The following KDM4C variants were observed in gnomAD, a reference collection of about 807,000 sequenced individuals.
The protein encoded by KDM4C is lysine-specific demethylase 4C.
A neutral mutation model predicts 129.3 loss-of-function variants in KDM4C; 81 were observed. That is an observed-to-expected ratio of 0.63 (90% CI 0.52 to 0.75). The LOEUF (loss-of-function observed/expected upper bound fraction) is 0.75, where lower values mean the gene tolerates loss of function less well. Among genes scored for constraint, KDM4C ranks in the 30% least tolerant of loss-of-function variants. The pLI is 0.00. For missense variants in KDM4C, 1,457 were observed against 1,304.0 expected (o/e 1.12, Z -1.81); for synonymous variants, 573 against 456.1 (o/e 1.26, Z -3.26).
intron 15 of KDM4C, among the ~76,000 whole-genome samples, chr9:7,045,902 C>T (rs957140607): frequency 1.6e-4 from 25 of 151,952 alleles, no homozygotes; most frequent in African/African-American, 6.0e-4. Flanking sequence ...TAGATGGATT[C>T]CTTGTAAAGC....
chr9:7,024,954 T>A (rs896200721), intron 15 of KDM4C, among the ~76,000 whole-genome samples: 1 of 152,202 alleles, frequency 6.6e-6, no homozygotes, highest in Non-Finnish European at 1.5e-5. Context: ...CCACCAACAG[T>A]GTAAAAGTGT....
At chr9:6,897,354 TCTC>T (rs1385620674) in intron 8 of KDM4C, among the ~76,000 whole-genome samples, 1 of 152,196 alleles carries the variant, frequency 6.6e-6, no homozygotes, top group African/African-American at 2.4e-5. Context: ...GCCTTACCAT[TCTC>T]CTCTCATTTC....
chr9:7,052,745 A>T (rs896549200), intron 17 of KDM4C, among the ~76,000 whole-genome samples: 6 of 152,302 alleles, frequency 3.9e-5, no homozygotes, highest in Admixed American at 3.9e-4. Context: ...CTGAAGCAGC[A>T]GCAAGGGCTG....
chr9:6,945,258 CA>C (rs1488235450), intron 8 of KDM4C, among the ~76,000 whole-genome samples: 2 of 152,266 alleles, frequency 1.3e-5, no homozygotes, highest in Non-Finnish European at 2.9e-5. Flanking sequence ...AATAATATAA[CA>C]TGAATATAAT....
At chr9:7,117,371 A>G (rs1231659333) in intron 18 of KDM4C, among the ~76,000 whole-genome samples, 2 of 152,156 alleles carry the variant, frequency 1.3e-5, no homozygotes, top group East Asian at 3.8e-4. Context: ...ACTGTAATTG[A>G]GAGTCAGAAA....
intron 1 of KDM4C, among the ~76,000 whole-genome samples, chr9:6,768,375 A>T (rs1290967959): frequency 1.3e-5 from 2 of 149,880 alleles, no homozygotes; most frequent in Non-Finnish European, 3.0e-5. Context: ...CTTCCCTTTT[A>T]GGGAATTTTA....
At chr9:7,055,559 A>C (rs1830758134) in intron 17 of KDM4C, among the ~76,000 whole-genome samples, 1 of 152,230 alleles carries the variant, frequency 6.6e-6, no homozygotes, top group South Asian at 2.1e-4. Context: ...TTGTACCTGA[A>C]GGCAAATAAT....
intron 19 of KDM4C, among the ~76,000 whole-genome samples, chr9:7,148,392 T>G (rs1327218476): frequency 6.6e-6 from 1 of 152,192 alleles, no homozygotes; most frequent in Non-Finnish European, 1.5e-5. Flanking sequence ...CCACTTCAGC[T>G]TGCAGCTCAT....
chr9:6,726,330 A>G (rs777388862), intron 1 of KDM4C, among the ~76,000 whole-genome samples: 1 of 152,184 alleles, frequency 6.6e-6, no homozygotes, highest in Non-Finnish European at 1.5e-5. Flanking sequence ...GGTTTTCTCG[A>G]CTGACTCAAT....
In KDM4C at chr9:6,997,904, T is replaced by C. The variant is rs116199590; in HGVS notation, c.1786+7380T>C. 8.6e-3 allele frequency among the ~76,000 whole-genome samples: 1,306 copies of C among 152,358 alleles called. 24 individuals carry two copies. The highest frequency in any genetic ancestry group is 0.03 in the African/African-American group (1,251 of 41,576). The stretch of plus-strand genomic sequence containing the variant: ...ACTCTTCAACTATAATTTTATGTTT[T>C]CTAGAATAATCAACACAGAAAGTTG... On this transcript the variant is annotated intron_variant, in intron 12 of 21. Coordinates refer to ENST00000381309, the MANE Select transcript of KDM4C (RefSeq NM_015061.6).
At position 7,103,860 on chromosome 9, in the gene KDM4C, A is replaced by G. The variant is rs535667780; in HGVS notation, c.2600A>G (p.Asn867Ser). 5.0e-6 allele frequency: 8 copies of G among 1,613,258 alleles called. No individual in the cohort carries two copies. The highest frequency in any genetic ancestry group is 6.8e-6 in the Non-Finnish European group (8 of 1,179,704). Residue 867 changes from asparagine to serine, a missense_variant, in exon 18 of 22, where the codon AAC (asparagine) becomes AGC (serine). Physicochemically the swap from Asn to Ser is conservative, Grantham distance 46. Coordinates refer to ENST00000381309, the MANE Select transcript of KDM4C (RefSeq NM_015061.6). ...VNITCFRHKV[N>S]PNVKSKACEK... ...ATTACATGCTTTCGACATAAGGTCAACCCCAACGTGGTAAGATGTGCCCTC... is the reference window on the plus strand; with the variant it reads ...ATTACATGCTTTCGACATAAGGTCAGCCCCAACGTGGTAAGATGTGCCCTC...
At chr9:6,942,204 A>G (rs1826072878) in intron 8 of KDM4C, among the ~76,000 whole-genome samples, 1 of 151,670 alleles carries the variant, frequency 6.6e-6, no homozygotes. Context: ...TTACCCATGT[A>G]TTTGGCTCCC....
chr9:6,837,782 A>G (rs1188369847), intron 4 of KDM4C, among the ~76,000 whole-genome samples: 8 of 152,026 alleles, frequency 5.3e-5, no homozygotes, highest in East Asian at 3.9e-4. Context: ...TCTTTTCACT[A>G]TTTTGTTTGT....
At chr9:7,160,419 T>C (rs1041271892) in intron 19 of KDM4C, among the ~76,000 whole-genome samples, 3 of 152,242 alleles carry the variant, frequency 2.0e-5, no homozygotes, top group African/African-American at 7.2e-5. Context: ...CTCTGATTTT[T>C]AGAATTTTCA....
intron 17 of KDM4C, among the ~76,000 whole-genome samples, chr9:7,081,901 G>C (rs79427045): frequency 9.9e-5 from 15 of 152,040 alleles, no homozygotes; most frequent in South Asian, 2.1e-4. Context: ...TCTTGTGCTT[G>C]CTCCTTTAGA....
chr9:6,739,564 C>G (rs919472864), intron 1 of KDM4C, among the ~76,000 whole-genome samples: 1 of 151,930 alleles, frequency 6.6e-6, no homozygotes, highest in Non-Finnish European at 1.5e-5. Flanking sequence ...ATGTGGTTAC[C>G]CATTTGGTTT....
chr9:6,769,003 C>T (rs1259235247), intron 1 of KDM4C, among the ~76,000 whole-genome samples: 1 of 152,050 alleles, frequency 6.6e-6, no homozygotes, highest in Non-Finnish European at 1.5e-5. Context: ...GAACTCCTGA[C>T]CTCAAATGAT....
At position 6,814,628 on chromosome 9, in the gene KDM4C, C is replaced by T. The variant is rs769237122; in HGVS notation, c.321-3C>T. On this transcript the variant is annotated splice_region_variant and splice_polypyrimidine_tract_variant and intron_variant, in intron 3 of 21. Transcript: ENST00000381309. ...GTACATTTTTGTCATCTACCTTTTACAGATATTGTACTCCAAGATACTTGG... is the reference window on the plus strand; with the variant it reads ...GTACATTTTTGTCATCTACCTTTTATAGATATTGTACTCCAAGATACTTGG... 3.8e-6 allele frequency: 6 copies of T among 1,570,930 alleles called. No homozygotes were observed. The highest frequency in any genetic ancestry group is 5.2e-6 in the Non-Finnish European group (6 of 1,150,488).
chr9:7,121,808 T>TAA (rs796191236), intron 18 of KDM4C, among the ~76,000 whole-genome samples: 1 of 143,952 alleles, frequency 6.9e-6, no homozygotes, highest in African/African-American at 2.5e-5. Flanking sequence ...ATGGAAGGCT[T>TAA]AAAAAAAAAA....
Sources: allele counts gnomAD v4.1 joint callset (sites outside exome capture counted in the v4.1 genomes callset), GRCh38; gene constraint gnomAD v4.1.1; transcripts MANE v1.5; gene names NCBI Gene and HGNC (gene_info 2026-07-23, HGNC 2026-07-21).